The following SDK1 variants were observed in gnomAD, a reference collection of about 807,000 sequenced individuals.
SDK1 encodes the protein sidekick cell adhesion molecule 1, also known as protein sidekick-1.
Under a neutral mutation model 245.5 loss-of-function variants are expected in SDK1, and 157 were observed. The observed-to-expected ratio is 0.64, with a 90% CI of 0.56 to 0.73. The LOEUF (loss-of-function observed/expected upper bound fraction) is 0.73, where lower values mean the gene tolerates loss of function less well. SDK1 is among the 30% of genes least tolerant of loss of function. SDK1 has a pLI of 0.00. For missense variants in SDK1, 3,583 were observed against 3,002.3 expected (o/e 1.19, Z -4.52); for synonymous variants, 1,647 against 1,278.5 (o/e 1.29, Z -6.15).
Position 3,398,340 on chromosome 7 carries a change from A to G in SDK1, c.298+96456A>G, listed in dbSNP as rs866872556. On this transcript the variant is annotated intron_variant, in intron 1 of 44. Transcript: ENST00000404826. Reference sequence around the variant, plus strand: ...AGGTGTTGCGGAGAGGAAACATTCTATAATCTTGTGATAAACCTCAGATTT... The same window carrying G: ...AGGTGTTGCGGAGAGGAAACATTCTGTAATCTTGTGATAAACCTCAGATTT... Among the ~76,000 whole-genome samples, 5 of 152,106 alleles carry G rather than the reference A, an allele frequency of 3.3e-5. 1 individual carries two copies. The highest frequency in any genetic ancestry group is 4.8e-5 in the African/African-American group (2 of 41,428).
rs7807417 is a variant in SDK1 at position 3,309,849 on chromosome 7, A to G, written c.298+7965A>G. 4.9e-3 allele frequency among the ~76,000 whole-genome samples: 750 copies of G among 152,284 alleles called. 9 individuals carry two copies. The highest frequency in any genetic ancestry group is 0.017 in the African/African-American group (720 of 41,558). ...TGTTTTATTTTTGCCTTGTAGGCATATTCCCTTTTTCTAAGCGTGCTGTCT... is the reference window on the plus strand; with the variant it reads ...TGTTTTATTTTTGCCTTGTAGGCATGTTCCCTTTTTCTAAGCGTGCTGTCT... On this transcript the variant is annotated intron_variant, in intron 1 of 44. Transcript: ENST00000404826.
At chr7:3,781,043 A>G (rs1583407137) in intron 4 of SDK1, among the ~76,000 whole-genome samples, 1 of 151,966 alleles carries the variant, frequency 6.6e-6, no homozygotes, top group Non-Finnish European at 1.5e-5. Flanking sequence ...AGGAGGTCAA[A>G]CAGTCACTCA....
intron 13 of SDK1, among the ~76,000 whole-genome samples, chr7:3,985,224 C>T (rs1283419112): frequency 6.6e-6 from 1 of 152,236 alleles, no homozygotes; most frequent in African/African-American, 2.4e-5. Flanking sequence ...GAAAACCGTC[C>T]CAGTCACTCA....
chr7:3,713,638 C>T (rs907762917), intron 4 of SDK1, among the ~76,000 whole-genome samples: 1 of 152,148 alleles, frequency 6.6e-6, no homozygotes. Context: ...AGAATAAGAT[C>T]CCATCCGTCA....
chr7:4,225,477 A>G (rs1335590438), intron 40 of SDK1, among the ~76,000 whole-genome samples: 1 of 152,044 alleles, frequency 6.6e-6, no homozygotes, highest in Non-Finnish European at 1.5e-5. Context: ...TAACGCTGTG[A>G]ACACATCTCA....
chr7:3,687,826 C>G (rs1471212870), intron 4 of SDK1, among the ~76,000 whole-genome samples: 4 of 152,170 alleles, frequency 2.6e-5, no homozygotes, highest in Non-Finnish European at 5.9e-5. Flanking sequence ...TCGTATCCTG[C>G]TCACAGTGCT....
At chr7:3,405,177 CA>C (rs112514507) in intron 1 of SDK1, among the ~76,000 whole-genome samples, 1 of 139,032 alleles carries the variant, frequency 7.2e-6, no homozygotes, top group Admixed American at 6.9e-5. Flanking sequence ...AAAACAAAAA[CA>C]AAAACAAAAA....
intron 25 of SDK1, among the ~76,000 whole-genome samples, chr7:4,116,131 T>C (rs1361837145): frequency 1.3e-5 from 2 of 151,860 alleles, no homozygotes; most frequent in South Asian, 2.1e-4. Context: ...GAGGGAAACA[T>C]AGAAGGTGGT....
intron 20 of SDK1, among the ~76,000 whole-genome samples, chr7:4,071,399 A>G (rs1457930249): frequency 6.6e-6 from 1 of 152,208 alleles, no homozygotes; most frequent in African/African-American, 2.4e-5. Flanking sequence ...TGAAGTGCCC[A>G]CTTTAAATAG....
At chr7:3,540,427 C>A (rs1026353699) in intron 1 of SDK1, among the ~76,000 whole-genome samples, 33 of 152,128 alleles carry the variant, frequency 2.2e-4, no homozygotes, top group African/African-American at 7.2e-4. Flanking sequence ...AAAGAAGAGG[C>A]CTGGGTTGCT....
Position 3,712,143 on chromosome 7 carries a change from G to A in SDK1, c.713+70038G>A, listed in dbSNP as rs138894160. On this transcript the variant is annotated intron_variant, in intron 4 of 44. Coordinates refer to ENST00000404826, the MANE Select transcript of SDK1 (RefSeq NM_152744.4). The stretch of plus-strand genomic sequence containing the variant: ...TTAGGAACCAGGCTGCACAGCAGGA[G>A]GCGCAGGGTGGGCAAGTGAGCGAAG... Among the ~76,000 whole-genome samples, 30 of 152,148 alleles carry A rather than the reference G, an allele frequency of 2.0e-4. 1 individual carries two copies. Among genetic ancestry groups the A allele is most frequent in the African/African-American group, 6.7e-4 (28 of 41,494 alleles).
intron 1 of SDK1, among the ~76,000 whole-genome samples, chr7:3,613,281 G>C (rs1335959294): frequency 6.6e-6 from 1 of 152,166 alleles, no homozygotes; most frequent in Non-Finnish European, 1.5e-5. Flanking sequence ...TTCCTCTGCA[G>C]ATAGATGGGT....
At chr7:3,605,314 G>C (rs1025663305) in intron 1 of SDK1, among the ~76,000 whole-genome samples, 2 of 152,218 alleles carry the variant, frequency 1.3e-5, no homozygotes, top group Non-Finnish European at 2.9e-5. Context: ...TAAGGAGAAA[G>C]CATACGTAGC....
chr7:3,671,082 C>G (rs536261892), intron 4 of SDK1, among the ~76,000 whole-genome samples: 1 of 152,264 alleles, frequency 6.6e-6, no homozygotes, highest in Admixed American at 6.5e-5. Flanking sequence ...AGGACTGGGA[C>G]CTCAAGGCGG....
chr7:3,970,038 C>T (rs1450439160), intron 11 of SDK1, among the ~76,000 whole-genome samples: 1 of 152,196 alleles, frequency 6.6e-6, no homozygotes, highest in Non-Finnish European at 1.5e-5. Flanking sequence ...TTTTCTGGAG[C>T]TTAAGGATTG....
chr7:4,021,978 C>G (rs1786930929), intron 17 of SDK1, among the ~76,000 whole-genome samples: 1 of 152,202 alleles, frequency 6.6e-6, no homozygotes, highest in African/African-American at 2.4e-5. Context: ...AGCCTCAGGC[C>G]CCCAGCTCCA....
intron 1 of SDK1, among the ~76,000 whole-genome samples, chr7:3,385,589 A>C (rs1276766739): frequency 2.0e-5 from 3 of 152,146 alleles, no homozygotes; most frequent in Non-Finnish European, 2.9e-5. Flanking sequence ...TCTTTAAAAC[A>C]AGGTGACTTG....
chr7:3,333,020 C>G (rs1460994908), intron 1 of SDK1, among the ~76,000 whole-genome samples: 1 of 152,096 alleles, frequency 6.6e-6, no homozygotes, highest in Non-Finnish European at 1.5e-5. Flanking sequence ...GTATTGTAAC[C>G]TTTTATAAGG....
chr7:3,964,694 T>C (rs1248019622), intron 9 of SDK1, among the ~76,000 whole-genome samples: 1 of 152,186 alleles, frequency 6.6e-6, no homozygotes, highest in African/African-American at 2.4e-5. Flanking sequence ...ATTATACCTT[T>C]TGTGTTTGCC....
Sources: gnomAD v4.1 joint callset for allele counts (sites outside exome capture counted in the v4.1 genomes callset) on GRCh38, gnomAD v4.1.1 for gene constraint, MANE v1.5 for transcripts, NCBI Gene and HGNC (gene_info 2026-07-23, HGNC 2026-07-21) for gene names.